LHFPL6: variants seen among roughly 807,000 people sequenced by gnomAD.
LHFPL6 encodes LHFPL tetraspan subfamily member 6.
In LHFPL6, 9 loss-of-function variants were observed where a neutral mutation model predicts 20.6. The observed-to-expected ratio is 0.44, with a 90% CI of 0.26 to 0.76. The LOEUF (loss-of-function observed/expected upper bound fraction) is 0.76. Among genes scored for constraint, LHFPL6 ranks in the 30% least tolerant of loss-of-function variants. LHFPL6 has a pLI of 0.20. For synonymous variants in LHFPL6, 105 were observed against 98.7 expected, an observed-to-expected ratio of 1.06 and a Z score of -0.38; for missense variants, 218 against 253.5, an observed-to-expected ratio of 0.86 and a Z score of 0.95.
chr13:39,527,373 G>T (rs138454334), intron 2 of LHFPL6, among the ~76,000 whole-genome samples: 25 of 152,270 alleles, frequency 1.6e-4, no homozygotes, highest in Non-Finnish European at 2.8e-4. Context: ...TGATAAGCAA[G>T]GTGACCTCTG....
At chr13:39,574,282 A>G (rs1362699627) in intron 2 of LHFPL6, among the ~76,000 whole-genome samples, 1 of 152,102 alleles carries the variant, frequency 6.6e-6, no homozygotes, top group Non-Finnish European at 1.5e-5. Context: ...GGAGAACAAG[A>G]TCATCCTGGC....
chr13:39,495,946 T>C (rs911473619), intron 2 of LHFPL6, among the ~76,000 whole-genome samples: 1 of 152,088 alleles, frequency 6.6e-6, no homozygotes, highest in African/African-American at 2.4e-5. Flanking sequence ...GGCAGTTATT[T>C]TACCTCTCTG....
chr13:39,421,574 C>T (rs943375666), intron 2 of LHFPL6, among the ~76,000 whole-genome samples: 3 of 152,174 alleles, frequency 2.0e-5, no homozygotes, highest in Non-Finnish European at 4.4e-5. Context: ...TAAAAATTAT[C>T]ATCATTTCCA....
chr13:39,344,835 G>T (rs1869346670), intron 3 of LHFPL6, among the ~76,000 whole-genome samples: 1 of 152,194 alleles, frequency 6.6e-6, no homozygotes, highest in African/African-American at 2.4e-5. Flanking sequence ...AAAGAAGTTG[G>T]TGACTTACCC....
At chr13:39,369,567 T>TTTCCTTCCTTCC (rs776843003) in intron 3 of LHFPL6, among the ~76,000 whole-genome samples, 471 of 27,858 alleles carry the variant, frequency 0.017, 50 homozygotes, top group African/African-American at 0.041. Context: ...TCATAGTAGG[T>TTTCCTTCCTTCC]TTCCTTCCTT....
intron 2 of LHFPL6, among the ~76,000 whole-genome samples, chr13:39,484,957 T>A (rs1447479558): frequency 2.0e-5 from 3 of 152,186 alleles, no homozygotes; most frequent in East Asian, 3.9e-4. Context: ...ACTTTTTTTT[T>A]ATTTACAGTG....
chr13:39,579,565 A>G (rs1029495367), intron 2 of LHFPL6, among the ~76,000 whole-genome samples: 4 of 152,164 alleles, frequency 2.6e-5, no homozygotes, highest in Non-Finnish European at 4.4e-5. Flanking sequence ...TCTGACATCA[A>G]TTTCAAAAAT....
At chr13:39,353,497 C>T (rs930389214) in intron 3 of LHFPL6, among the ~76,000 whole-genome samples, 60 of 151,628 alleles carry the variant, frequency 4.0e-4, no homozygotes, top group Non-Finnish European at 7.1e-4. Flanking sequence ...GAGGCTGAGG[C>T]GGGCAGATCA....
At chr13:39,458,631 G>A (rs916617370) in intron 2 of LHFPL6, among the ~76,000 whole-genome samples, 2 of 151,672 alleles carry the variant, frequency 1.3e-5, no homozygotes, top group African/African-American at 4.9e-5. Flanking sequence ...GCCATGAGAG[G>A]CTGCAGTGAG....
rs541459057 is a variant in LHFPL6 at position 39,444,838 on chromosome 13, T to C, written c.386-66312A>G. 3.3e-5 allele frequency among the ~76,000 whole-genome samples: 5 copies of C among 152,248 alleles called. No homozygotes were observed. The East Asian group carries it at 7.7e-4, about 24-fold the overall frequency. The stretch of plus-strand genomic sequence containing the variant: ...CAGTCCCTGCTAGAGCAATGCCTAG[T>C]GGAGCCATGGGAATGGTGTGGCCCC... On this transcript the variant is annotated intron_variant, in intron 2 of 3. Transcript: ENST00000379589.
intron 2 of LHFPL6, among the ~76,000 whole-genome samples, chr13:39,414,485 C>G (rs1345411399): frequency 2.0e-5 from 3 of 152,124 alleles, no homozygotes; most frequent in African/African-American, 7.2e-5. Flanking sequence ...TGTTTCAGGA[C>G]AACTGAGGGA....
intron 2 of LHFPL6, among the ~76,000 whole-genome samples, chr13:39,393,762 A>G (rs1234236611): frequency 1.3e-5 from 2 of 152,156 alleles, no homozygotes; most frequent in Non-Finnish European, 2.9e-5. Flanking sequence ...TTATTCATTC[A>G]TATATTTATT....
chr13:39,568,652 C>T (rs766421297), intron 2 of LHFPL6, among the ~76,000 whole-genome samples: 100 of 152,148 alleles, frequency 6.6e-4, no homozygotes, highest in Admixed American at 2.2e-3. Flanking sequence ...TATGTATTTA[C>T]ATTTCACTTT....
At position 39,343,881 on chromosome 13, in the gene LHFPL6, C is replaced by G; in HGVS notation, c.*55G>C. ...TTTGAAGGTAGGTGGATGTTTTGAC[C>G]TCTCCAAGCCCCTTTGGCCCATCTT... On this transcript the variant is annotated 3_prime_UTR_variant, in exon 4 of 4. Coordinates refer to ENST00000379589, the MANE Select transcript of LHFPL6 (RefSeq NM_005780.3). The G allele has an allele frequency of 1.5e-6, 2 of 1,364,240 alleles. No homozygotes were observed. The highest frequency in any genetic ancestry group is 2.5e-5 in the South Asian group (2 of 80,208). 84.5% of individuals were successfully genotyped at this position (1,364,240 alleles called of 1,614,324 possible).
At chr13:39,382,954 GT>G (rs1446818730) in intron 2 of LHFPL6, among the ~76,000 whole-genome samples, 2 of 152,054 alleles carry the variant, frequency 1.3e-5, no homozygotes. Flanking sequence ...AAAAATGTAC[GT>G]TACAAACCGT....
intron 2 of LHFPL6, among the ~76,000 whole-genome samples, chr13:39,567,176 G>C (rs9315706): frequency 0.34 from 51,734 of 151,862 alleles, 9,948 homozygotes; most frequent in Non-Finnish European, 0.43. Context: ...AATTAAGCAG[G>C]AACACATCCT....
At chr13:39,397,174 A>G (rs1297239083) in intron 2 of LHFPL6, among the ~76,000 whole-genome samples, 4 of 152,178 alleles carry the variant, frequency 2.6e-5, no homozygotes, top group Admixed American at 1.3e-4. Context: ...AAAAAAAAGT[A>G]GATTTTCTTA....
In LHFPL6 at chr13:39,390,858, G is replaced by A. The variant is rs751079154; in HGVS notation, c.386-12332C>T. On this transcript the variant is annotated intron_variant, in intron 2 of 3. Coordinates refer to ENST00000379589, the MANE Select transcript of LHFPL6 (RefSeq NM_005780.3). ...AAAAATACAAAAAAATTAGCCAGGC[G>A]TGGTGGCGTGCACCTGTAATCCCAG... Among the ~76,000 whole-genome samples the A allele has an allele frequency of 1.4e-4, 21 of 152,190 alleles. No individual in the cohort carries two copies. The Middle Eastern group carries it at 0.01, about 74-fold the overall frequency.
chr13:39,471,401 C>T (rs929511443), intron 2 of LHFPL6, among the ~76,000 whole-genome samples: 5 of 152,184 alleles, frequency 3.3e-5, no homozygotes, highest in Admixed American at 3.3e-4. Flanking sequence ...CAATTAATTT[C>T]CTAGAGTGTT....
Sources: allele counts gnomAD v4.1 joint callset (sites outside exome capture counted in the v4.1 genomes callset), GRCh38; gene constraint gnomAD v4.1.1; transcripts MANE v1.5; gene names NCBI Gene and HGNC (gene_info 2026-07-23, HGNC 2026-07-21).